Variants in UIMC1 observed in about 807,000 individuals in gnomAD.
UIMC1 encodes the protein ubiquitin interaction motif containing 1.
In UIMC1, 42 loss-of-function variants were observed where a neutral mutation model predicts 84.9. The observed-to-expected ratio is 0.49, with a 90% CI of 0.39 to 0.64. UIMC1 has a LOEUF of 0.64. UIMC1 is among the 30% of genes least tolerant of loss of function. UIMC1 has a pLI of 0.00. For synonymous variants in UIMC1, 281 were observed against 293.0 expected, an observed-to-expected ratio of 0.96 and a Z score of 0.42; for missense variants, 825 against 847.6, an observed-to-expected ratio of 0.97 and a Z score of 0.33.
chr5:176,991,231 G>A (rs193085940), intron 1 of UIMC1, among the ~76,000 whole-genome samples: 68 of 151,640 alleles, frequency 4.5e-4, no homozygotes, highest in Non-Finnish European at 8.0e-4. Context: ...AGATGGTCTC[G>A]ATCTCCTGAC....
intron 1 of UIMC1, among the ~76,000 whole-genome samples, chr5:176,998,139 A>G (rs1473078963): frequency 1.3e-5 from 2 of 152,128 alleles, no homozygotes; most frequent in African/African-American, 4.8e-5. Context: ...AAGGCAAGGA[A>G]GAAACAGTCC....
At chr5:176,981,208 A>C (rs575408075) in intron 2 of UIMC1, among the ~76,000 whole-genome samples, 233 of 146,184 alleles carry the variant, frequency 1.6e-3, no homozygotes, top group African/African-American at 5.6e-3. Flanking sequence ...GCAGTGGCGC[A>C]ATCTCGGCTC....
upstream of UIMC1, among the ~76,000 whole-genome samples, chr5:177,009,544 T>C (rs911184808): frequency 6.6e-6 from 1 of 152,266 alleles, no homozygotes; most frequent in South Asian, 2.1e-4. The surrounding 1 kb of genome is among the most constrained non-coding windows in gnomAD (Gnocchi z 4.3). Flanking sequence ...AACATCCTAA[T>C]TGATATAAAA....
chr5:176,908,231 G>A (rs544661337), intron 12 of UIMC1, among the ~76,000 whole-genome samples: 3 of 152,002 alleles, frequency 2.0e-5, no homozygotes, highest in Non-Finnish European at 4.4e-5. Context: ...AAAAAAGACT[G>A]GAAGAAAATA....
intron 1 of UIMC1, among the ~76,000 whole-genome samples, chr5:177,018,274 T>C (rs1775713801): frequency 6.6e-6 from 1 of 150,570 alleles, no homozygotes; most frequent in Non-Finnish European, 1.5e-5. Flanking sequence ...TGTTTGAACC[T>C]GGGAGGCGGA....
Position 176,970,803 on chromosome 5 carries a change from A to C in UIMC1, c.296T>G (p.Val99Gly), listed in dbSNP as rs1253684198. 3 of 1,613,920 alleles carry C rather than the reference A, an allele frequency of 1.9e-6. No homozygotes were observed. Among genetic ancestry groups the C allele is most frequent in the Non-Finnish European group, 8.5e-7 (1 of 1,179,998 alleles). The part of the protein sequence containing the change: ...LKMSEQEARE[V>G]NSQEEEEEEL... ...CTCTTCTTCCTCCTCCTGGCTGTTC[A>C]CCTCCCTAGCTTCCTGCTCACTCAT... is the stretch of plus-strand genomic sequence containing the variant. Residue 99 changes from valine (V) to glycine (G), a missense_variant, in exon 4 of 15, where the codon GTG becomes GGG. Transcript: ENST00000511320.
intron 1 of UIMC1, among the ~76,000 whole-genome samples, chr5:177,018,549 T>C (rs971312682): frequency 6.6e-6 from 1 of 152,150 alleles, no homozygotes; most frequent in Non-Finnish European, 1.5e-5. Context: ...TCATCTCCCA[T>C]GGCAACAATA....
At chr5:176,999,440 C>A (rs1482756697) in intron 1 of UIMC1, among the ~76,000 whole-genome samples, 1 of 151,976 alleles carries the variant, frequency 6.6e-6, no homozygotes, top group Non-Finnish European at 1.5e-5. Context: ...TTAAAATGTA[C>A]AATTACATTA....
At position 177,017,084 on chromosome 5, in the gene UIMC1, G is replaced by A. The variant is rs75573275; in HGVS notation, c.-9+5380C>T. Among the ~76,000 whole-genome samples, 1,040 of 152,308 alleles carry A rather than the reference G, an allele frequency of 6.8e-3. 15 individuals carry two copies. The highest frequency in any genetic ancestry group is 0.024 in the African/African-American group (997 of 41,570). On this transcript the variant is annotated intron_variant, in intron 1 of 5. Coordinates refer to the UIMC1 transcript ENST00000509236. The stretch of plus-strand genomic sequence containing the variant: ...GAAATGAAATAAAGAAGCCTGAGAA[G>A]TGGACTAGGATTGCAGCAAAGATGT...
chr5:177,016,796 G>T (rs1775683161), intron 1 of UIMC1, among the ~76,000 whole-genome samples: 1 of 152,090 alleles, frequency 6.6e-6, no homozygotes, highest in African/African-American at 2.4e-5. Context: ...GCCGAGGCAG[G>T]TGAATCACCT....
At chr5:176,931,768 C>T (rs1763115118) in intron 10 of UIMC1, among the ~76,000 whole-genome samples, 1 of 152,062 alleles carries the variant, frequency 6.6e-6, no homozygotes, top group African/African-American at 2.4e-5. Flanking sequence ...AGATGGATCA[C>T]GAAGTCAGGA....
intron 9 of UIMC1, among the ~76,000 whole-genome samples, chr5:176,950,524 A>C (rs1765732145): frequency 6.6e-6 from 1 of 152,120 alleles, no homozygotes; most frequent in African/African-American, 2.4e-5. Context: ...TAAGATTTAA[A>C]AATTTTTAAA....
At chr5:176,928,192 A>G (rs1383723842) in intron 10 of UIMC1, among the ~76,000 whole-genome samples, 1 of 152,144 alleles carries the variant, frequency 6.6e-6, no homozygotes, top group Non-Finnish European at 1.5e-5. Flanking sequence ...CGCCTGATTC[A>G]TTTATAAATT....
At chr5:176,917,004 AAAG>A (rs2149400208) in intron 10 of UIMC1, among the ~76,000 whole-genome samples, 1 of 152,346 alleles carries the variant, frequency 6.6e-6, no homozygotes, top group South Asian at 2.1e-4. Flanking sequence ...TTATATATAC[AAAG>A]AAGGGAGTTT....
chr5:176,997,015 T>A (rs1581694642), intron 1 of UIMC1, among the ~76,000 whole-genome samples: 1 of 152,152 alleles, frequency 6.6e-6, no homozygotes, highest in East Asian at 1.9e-4. Flanking sequence ...CTCAGCGGGA[T>A]CTATGTGCAC....
intron 12 of UIMC1, 70 bp from the exon 13 acceptor site, chr5:176,907,247 G>C: frequency 7.1e-7 from 1 of 1,406,678 alleles, no homozygotes; most frequent in Non-Finnish European, 9.9e-7. Flanking sequence ...CCACAGCCCA[G>C]ATCACACGTG....
intron 10 of UIMC1, among the ~76,000 whole-genome samples, chr5:176,912,937 G>A (rs1007240004): frequency 6.6e-6 from 1 of 152,208 alleles, no homozygotes. Flanking sequence ...CAAAGTGCTG[G>A]GATTACAGGC....
chr5:176,918,547 T>C (rs1238427337), intron 10 of UIMC1, among the ~76,000 whole-genome samples: 1 of 152,222 alleles, frequency 6.6e-6, no homozygotes, highest in East Asian at 1.9e-4. Flanking sequence ...ATGGTTCTAA[T>C]GAAGAACTCT....
rs1415895770 is a variant in UIMC1 at position 176,975,427 on chromosome 5, T to C, written c.201A>G (p.Arg67=). ...LQKTKTKQSN[R]AKCLAKRKIA... The stretch of plus-strand genomic sequence containing the variant: ...TTTTTCTTTTGGCCAAACACTTTGC[T>C]CTATTCGACTGTTTTGTCTTCGTTT... The change falls in exon 3 of 15, where the codon AGA becomes AGG. Residue 67 remains arginine, a synonymous_variant. Transcript: ENST00000511320. The C allele has an allele frequency of 6.2e-7, 1 of 1,613,916 alleles. No homozygotes were observed. The highest frequency in any genetic ancestry group is 1.3e-5 in the African/African-American group (1 of 74,912).
Sources: gnomAD v4.1 joint callset for allele counts (sites outside exome capture counted in the v4.1 genomes callset) on GRCh38, gnomAD v4.1.1 for gene constraint, Gnocchi (gnomAD v3.1) non-coding constraint, MANE v1.5 for transcripts, NCBI Gene and HGNC (gene_info 2026-07-23, HGNC 2026-07-21) for gene names.